The following UBXN2A variants were observed in gnomAD, a reference collection of about 807,000 sequenced individuals.
UBXN2A encodes the protein UBX domain-containing protein 2A.
In UBXN2A, 28 loss-of-function variants were observed where a neutral mutation model predicts 28.4. That is an observed-to-expected ratio of 0.99 (90% CI 0.73 to 1.35). The LOEUF (loss-of-function observed/expected upper bound fraction) is 1.35. UBXN2A is among the 40% of genes most tolerant of loss of function. UBXN2A has a pLI of 0.00. For synonymous variants in UBXN2A, 97 were observed against 103.6 expected, an observed-to-expected ratio of 0.94 and a Z score of 0.39; for missense variants, 253 against 297.9, an observed-to-expected ratio of 0.85 and a Z score of 1.11.
rs142297419 is a variant in UBXN2A, at chr2:23,971,396, C to T, written c.162C>T (p.Pro54=). ...AGGTTAGTTCCAAATGTGTGTCTCC[C>T]GCTGAACAGAAGAAACAGGTAAATA... The part of the protein sequence containing the change: ...AQKVSSKCVS[P]AEQKKQVDVN... The change falls in exon 3 of 7, where the codon CCC becomes CCT. Residue 54 remains proline, a synonymous_variant. Coordinates refer to ENST00000309033, the MANE Select transcript of UBXN2A (RefSeq NM_181713.4). 31 of 1,546,578 alleles carry T rather than the reference C, an allele frequency of 2.0e-5. 1 individual carries two copies. The highest frequency in any genetic ancestry group is 1.5e-4 in the South Asian group (12 of 79,422).
chr2:23,995,121 G>A (rs1157483173), intron 6 of UBXN2A, among the ~76,000 whole-genome samples: 1 of 152,058 alleles, frequency 6.6e-6, no homozygotes, highest in Non-Finnish European at 1.5e-5. Context: ...AATTTGTTAC[G>A]GTTTTCTGGT....
upstream of UBXN2A, among the ~76,000 whole-genome samples, chr2:23,936,782 C>G (rs1293848408): frequency 6.6e-6 from 1 of 152,146 alleles, no homozygotes; most frequent in Non-Finnish European, 1.5e-5. Flanking sequence ...GTGATCTCGG[C>G]TCACTGCAAC....
intron 1 of UBXN2A, 53 bp downstream of exon 1, chr2:23,940,701 G>C (rs1256322073): frequency 6.6e-6 from 1 of 151,808 alleles, no homozygotes; most frequent in African/African-American, 2.4e-5. Flanking sequence ...GGGGCGGGGC[G>C]GTCGCCTGCC....
At chr2:23,994,773 A>T (rs1475928990) in intron 6 of UBXN2A, among the ~76,000 whole-genome samples, 1 of 152,220 alleles carries the variant, frequency 6.6e-6, no homozygotes, top group Non-Finnish European at 1.5e-5. Flanking sequence ...AGATGACATC[A>T]TCTTCCTCCA....
At chr2:23,953,816 G>A (rs750312861) in intron 1 of UBXN2A, among the ~76,000 whole-genome samples, 3 of 152,054 alleles carry the variant, frequency 2.0e-5, no homozygotes, top group Non-Finnish European at 4.4e-5. Flanking sequence ...TGTATTTCCT[G>A]TAATCTGGTA....
intron 2 of UBXN2A, among the ~76,000 whole-genome samples, chr2:23,964,702 C>A (rs983478551): frequency 1.3e-5 from 2 of 152,116 alleles, no homozygotes; most frequent in Non-Finnish European, 2.9e-5. Context: ...TATAGTTAAC[C>A]ACACTTTATT....
chr2:23,930,626 A>T (rs1418915339), intron 1 of UBXN2A, among the ~76,000 whole-genome samples: 1 of 152,206 alleles, frequency 6.6e-6, no homozygotes, highest in East Asian at 1.9e-4. Flanking sequence ...TGGGAGGCTG[A>T]GGTGGGAAGA....
At chr2:23,935,596 CAG>C (rs1010640135), upstream of UBXN2A, among the ~76,000 whole-genome samples, 2 of 152,146 alleles carry the variant, frequency 1.3e-5, no homozygotes, top group African/African-American at 4.8e-5. Flanking sequence ...CATACACACA[CAG>C]AGAAAATAAC....
At chr2:23,966,344 G>A (rs1318690250) in intron 2 of UBXN2A, among the ~76,000 whole-genome samples, 2 of 151,858 alleles carry the variant, frequency 1.3e-5, no homozygotes, top group African/African-American at 4.8e-5. Context: ...CACCGTGTTG[G>A]CCAGATGGTC....
At chr2:23,971,509 G>T in intron 3 of UBXN2A, 95 bp downstream of exon 3, 1 of 1,335,922 alleles carries the variant, frequency 7.5e-7, no homozygotes, top group South Asian at 2.0e-5. Context: ...TTTTGTTTGA[G>T]ACAAGGTCTT....
At chr2:23,974,785 C>G (rs1707586310) in intron 3 of UBXN2A, among the ~76,000 whole-genome samples, 1 of 152,128 alleles carries the variant, frequency 6.6e-6, no homozygotes, top group South Asian at 2.1e-4. Flanking sequence ...CAAGACCAGC[C>G]TGGCTAACGT....
chr2:23,956,394 C>T (rs952416453), intron 1 of UBXN2A, among the ~76,000 whole-genome samples: 2 of 151,896 alleles, frequency 1.3e-5, no homozygotes, highest in African/African-American at 2.4e-5. Flanking sequence ...ACTCTGTCAC[C>T]AGAGTTGGAG....
In UBXN2A at chr2:24,002,972, G is replaced by GA. The variant is rs967753883; in HGVS notation, c.*3106dup. 11 of 152,082 alleles carry GA rather than the reference G, an allele frequency of 7.2e-5. No individual in the cohort carries two copies. The highest frequency in any genetic ancestry group is 2.7e-4 in the African/African-American group (11 of 41,400). The allele number at this position is 152,082 out of a possible 1,614,324, so 9.4% of individuals were successfully genotyped here. ...TGAATGGGTCTTGGGAATCTCCAGG[G>GA]ATCCCTCAGGCACACTTTGAGAACC... is the stretch of plus-strand genomic sequence containing the variant. On this transcript the variant is annotated 3_prime_UTR_variant, in exon 7 of 7. Transcript: ENST00000309033.
chr2:23,927,359 G>A (rs1705064075), exon 1 of UBXN2A: 1 of 152,724 alleles, frequency 6.5e-6, no homozygotes, highest in African/African-American at 2.4e-5. Context: ...GTGGAATTGG[G>A]CCTGAAGCCC....
intron 1 of UBXN2A, among the ~76,000 whole-genome samples, chr2:23,941,021 A>AG (rs1303567534): frequency 4.6e-5 from 7 of 152,278 alleles, no homozygotes; most frequent in Non-Finnish European, 1.0e-4. Context: ...GTCCAGTGAT[A>AG]CAAAGTATGC....
At chr2:23,998,738 C>CT (rs200800114) in intron 6 of UBXN2A, among the ~76,000 whole-genome samples, 118 of 151,238 alleles carry the variant, frequency 7.8e-4, no homozygotes, top group African/African-American at 2.7e-3. Flanking sequence ...AGAAAAGAAT[C>CT]TTTTTTTTTG....
chr2:23,988,968 A>G (rs1708236672), intron 6 of UBXN2A, among the ~76,000 whole-genome samples: 1 of 151,966 alleles, frequency 6.6e-6, no homozygotes, highest in African/African-American at 2.4e-5. Flanking sequence ...AGTTCATTCT[A>G]CGCTTTTCCA....
intron 2 of UBXN2A, chr2:23,968,809 T>A (rs1042110348): frequency 2.0e-5 from 3 of 152,636 alleles, no homozygotes; most frequent in Admixed American, 1.3e-4. Context: ...TTTATAAATT[T>A]TCCTGCATGA....
At chr2:23,970,240 C>T (rs569076506) in intron 2 of UBXN2A, among the ~76,000 whole-genome samples, 1 of 152,092 alleles carries the variant, frequency 6.6e-6, no homozygotes, top group Non-Finnish European at 1.5e-5. Context: ...GCTGAAATTG[C>T]GCCACTCCAC....
Sources: gnomAD v4.1 joint callset for allele counts (sites outside exome capture counted in the v4.1 genomes callset) on GRCh38, gnomAD v4.1.1 for gene constraint, MANE v1.5 for transcripts, NCBI Gene and HGNC (gene_info 2026-07-23, HGNC 2026-07-21) for gene names.